The following PTPRQ variants were observed in gnomAD, a reference collection of about 807,000 sequenced individuals.
The protein encoded by PTPRQ is phosphatidylinositol phosphatase PTPRQ.
PTPRQ carries 199 observed loss-of-function variants against 246.0 expected under a neutral mutation model. That is an observed-to-expected ratio of 0.81 (90% CI 0.72 to 0.91). PTPRQ has a LOEUF of 0.91. Among genes scored for constraint, PTPRQ ranks in the 40% least tolerant of loss-of-function variants. The probability of loss-of-function intolerance (pLI) is 0.00; values close to 1 mark genes in which losing one functional copy is unlikely to be tolerated. For missense variants in PTPRQ, 2,624 were observed against 2,528.4 expected, an observed-to-expected ratio of 1.04 and a Z score of -0.81; for synonymous variants, 869 against 853.2, an observed-to-expected ratio of 1.02 and a Z score of -0.32.
chr12:80,577,650 G>A (rs1897311332), intron 25 of PTPRQ, among the ~76,000 whole-genome samples: 1 of 152,060 alleles, frequency 6.6e-6, no homozygotes, highest in Non-Finnish European at 1.5e-5. Context: ...TTTTTTAAAG[G>A]TAAGTGTTTC....
chr12:80,496,165 C>G (rs1162858080), intron 13 of PTPRQ, 59 bp downstream of exon 13: 1 of 1,543,470 alleles, frequency 6.5e-7, no homozygotes, highest in East Asian at 2.5e-5. Flanking sequence ...ATGCTCACTG[C>G]CTTCACTTCA....
chr12:80,450,083 G>T (rs991210878), intron 3 of PTPRQ, among the ~76,000 whole-genome samples: 5 of 152,014 alleles, frequency 3.3e-5, no homozygotes, highest in Non-Finnish European at 4.4e-5. Context: ...TCCTTGAAGA[G>T]GTCCTTCACG....
At chr12:80,655,974 G>T (rs976856918) in intron 38 of PTPRQ, among the ~76,000 whole-genome samples, 1 of 152,058 alleles carries the variant, frequency 6.6e-6, no homozygotes. Context: ...TTTGACAGAC[G>T]ACCTATGACC....
intron 32 of PTPRQ, among the ~76,000 whole-genome samples, chr12:80,621,690 A>G (rs1898997778): frequency 6.6e-6 from 1 of 152,012 alleles, no homozygotes; most frequent in South Asian, 2.1e-4. Context: ...TGATTGAGGT[A>G]TAACAGTTAT....
intron 25 of PTPRQ, among the ~76,000 whole-genome samples, chr12:80,550,842 A>T (rs1232155302): frequency 2.0e-5 from 3 of 152,148 alleles, no homozygotes; most frequent in Non-Finnish European, 4.4e-5. Context: ...TCTATTCCAT[A>T]TGAAAATTGT....
intron 6 of PTPRQ, among the ~76,000 whole-genome samples, chr12:80,467,834 A>G (rs1376405114): frequency 6.6e-6 from 1 of 151,980 alleles, no homozygotes; most frequent in East Asian, 1.9e-4. Flanking sequence ...AGGAAGGGGA[A>G]CATCACACTC....
At chr12:80,533,296 TC>T (rs1302227485) in intron 17 of PTPRQ, among the ~76,000 whole-genome samples, 1 of 152,016 alleles carries the variant, frequency 6.6e-6, no homozygotes, top group African/African-American at 2.4e-5. Context: ...TATATTTTGT[TC>T]TTTAGACTCT....
At chr12:80,675,306 G>T (rs1307168523) in intron 43 of PTPRQ, among the ~76,000 whole-genome samples, 1 of 152,116 alleles carries the variant, frequency 6.6e-6, no homozygotes, top group Admixed American at 6.6e-5. Context: ...TTTACATTTT[G>T]CATTCTCTCT....
chr12:80,453,114 T>A (rs973587207), intron 3 of PTPRQ, among the ~76,000 whole-genome samples: 6 of 152,194 alleles, frequency 3.9e-5, no homozygotes, highest in Non-Finnish European at 8.8e-5. Context: ...ATTTCATTCA[T>A]TTCATCTTCC....
At chr12:80,460,925 A>G (rs986969737) in intron 6 of PTPRQ, 23 bp downstream of exon 6, 3 of 400,170 alleles carry the variant, frequency 7.5e-6, no homozygotes, top group Non-Finnish European at 8.8e-6. Context: ...TTTTGTAGAT[A>G]AAAAGATTTA....
intron 23 of PTPRQ, among the ~76,000 whole-genome samples, chr12:80,545,050 C>A (rs539025209): frequency 6.6e-5 from 10 of 152,100 alleles, no homozygotes; most frequent in South Asian, 2.1e-4. Flanking sequence ...TGTTCACTAT[C>A]CCATAAACTA....
At chr12:80,475,534 G>C (rs1426746086) in intron 8 of PTPRQ, among the ~76,000 whole-genome samples, 2 of 151,948 alleles carry the variant, frequency 1.3e-5, no homozygotes, top group Non-Finnish European at 2.9e-5. Context: ...AGGTAATTTT[G>C]TATCAATATT....
intron 33 of PTPRQ, among the ~76,000 whole-genome samples, chr12:80,630,564 G>T (rs1244253002): frequency 1.3e-5 from 2 of 151,958 alleles, no homozygotes; most frequent in African/African-American, 4.8e-5. Context: ...TTGGAAAGTT[G>T]GTTTTGACCA....
At chr12:80,622,189 C>A in intron 33 of PTPRQ, 55 bp downstream of exon 33, 1 of 1,223,482 alleles carries the variant, frequency 8.2e-7, no homozygotes, top group Non-Finnish European at 1.1e-6. Flanking sequence ...AAAGTTGGAA[C>A]ATTTATTAGT....
chr12:80,678,716 G>A lies in PTPRQ; in HGVS notation c.6853G>A (p.Ala2285Thr), dbSNP rs754891346. The A allele has an allele frequency of 1.2e-5, 19 of 1,548,176 alleles. No homozygotes were observed. The highest frequency in any genetic ancestry group is 1.7e-4 in the Middle Eastern group (1 of 6,002). The change falls in exon 44 of 45, where the codon GCC becomes ACC. Residue 2285 changes from alanine (A) to threonine (T), a missense_variant. By Grantham distance (58) the Ala-to-Thr change is moderately conservative. Coordinates refer to ENST00000644991, the MANE Select transcript of PTPRQ (RefSeq NM_001145026.2). ...ACTTCAGAAGATGGACTCTTTGGAC[G>A]CCATGGAAGGTAAACAGAAACAACA... ...SALQKMDSLD[A>T]MEGDVELEWE...
intron 25 of PTPRQ, among the ~76,000 whole-genome samples, chr12:80,578,457 C>T (rs1450199709): frequency 6.6e-6 from 1 of 151,978 alleles, no homozygotes; most frequent in African/African-American, 2.4e-5. Flanking sequence ...GTGGCGCGAT[C>T]TGGGCTCACT....
intron 25 of PTPRQ, among the ~76,000 whole-genome samples, chr12:80,564,104 T>G (rs1273383108): frequency 6.6e-6 from 1 of 152,062 alleles, no homozygotes; most frequent in Admixed American, 6.5e-5. Context: ...TTATTTTTAT[T>G]AATATACTTT....
rs1458576131 is a variant in PTPRQ at position 80,493,394 on chromosome 12, C to T, written c.1479C>T (p.Asn493=). The T allele has an allele frequency of 3.9e-6, 6 of 1,550,158 alleles. No homozygotes were observed. Among genetic ancestry groups the T allele is most frequent in the South Asian group, 2.4e-5 (2 of 84,004 alleles). Residue 493 remains asparagine, a synonymous_variant, in exon 10 of 45, where the codon AAC becomes AAT. Coordinates refer to ENST00000644991, the MANE Select transcript of PTPRQ (RefSeq NM_001145026.2). ...DLHSLATFIY[N]SHPDKNFPAR... The stretch of plus-strand genomic sequence containing the variant: ...ACTCACTTGCTACATTTATATATAA[C>T]AGCCATCCAGATAAAAACTTTCCTG...
chr12:80,524,693 T>C (rs1041286327), intron 17 of PTPRQ, among the ~76,000 whole-genome samples: 3 of 152,104 alleles, frequency 2.0e-5, no homozygotes, highest in East Asian at 3.9e-4. Flanking sequence ...TTGAGACAAA[T>C]GTTTCTTACA....
Sources: gnomAD v4.1 joint callset for allele counts (sites outside exome capture counted in the v4.1 genomes callset) on GRCh38, gnomAD v4.1.1 for gene constraint, MANE v1.5 for transcripts, NCBI Gene and HGNC (gene_info 2026-07-23, HGNC 2026-07-21) for gene names.